CCSER1: variants seen among roughly 807,000 people sequenced by gnomAD.
CCSER1 encodes the protein serine-rich coiled-coil domain-containing protein 1.
A neutral mutation model predicts 82.0 loss-of-function variants in CCSER1; 41 were observed. The observed-to-expected ratio is 0.50, with a 90% CI of 0.39 to 0.65. CCSER1 has a LOEUF of 0.65. Among genes scored for constraint, CCSER1 ranks in the 30% least tolerant of loss-of-function variants. The pLI, the probability that CCSER1 is intolerant of heterozygous loss-of-function variation, is 0.00. For synonymous variants in CCSER1, 414 were observed against 383.9 expected (o/e 1.08, Z -0.92); for missense variants, 1,119 against 1,064.2 (o/e 1.05, Z -0.72).
At chr4:91,434,395 A>T (rs1000353862) in intron 10 of CCSER1, among the ~76,000 whole-genome samples, 1 of 152,206 alleles carries the variant, frequency 6.6e-6, no homozygotes, top group Non-Finnish European at 1.5e-5. Flanking sequence ...AAAGTTACAG[A>T]GAAGCCATAA....
In CCSER1 at chr4:91,496,714, A is replaced by AAT. The variant is rs1322745300; in HGVS notation, c.2218-101852_2218-101851dup. Among the ~76,000 whole-genome samples the AAT allele has an allele frequency of 2.3e-4, 8 of 35,334 alleles. 1 individual carries two copies. The highest frequency in any genetic ancestry group is 3.6e-4 in the African/African-American group (5 of 13,780). The allele number at this position is 35,334 out of a possible 152,430, so 23.2% of individuals were successfully genotyped here. On this transcript the variant is annotated intron_variant, in intron 10 of 10. Coordinates refer to ENST00000509176, the MANE Select transcript of CCSER1 (RefSeq NM_001145065.2). ...ATATATTCAATATATATATATATTC[A>AAT]ATATATAGAATATATATATATATTG...
chr4:90,289,518 T>C (rs1730535578), intron 1 of CCSER1, among the ~76,000 whole-genome samples: 1 of 151,906 alleles, frequency 6.6e-6, no homozygotes, highest in Non-Finnish European at 1.5e-5. Context: ...GAGACCACTA[T>C]CTTTCCTCAT....
At chr4:90,858,511 T>C (rs953607969) in intron 8 of CCSER1, among the ~76,000 whole-genome samples, 4 of 151,988 alleles carry the variant, frequency 2.6e-5, no homozygotes, top group Non-Finnish European at 5.9e-5. Context: ...TCAAATTCTT[T>C]ACGTTAAGGA....
chr4:90,134,766 CT>C (rs1723379261), intron 1 of CCSER1, among the ~76,000 whole-genome samples: 1 of 152,094 alleles, frequency 6.6e-6, no homozygotes, highest in African/African-American at 2.4e-5. Context: ...AATTTAGTTT[CT>C]TTTAACTTTT....
intron 10 of CCSER1, among the ~76,000 whole-genome samples, chr4:91,188,831 A>G (rs1267448119): frequency 6.6e-6 from 1 of 152,184 alleles, no homozygotes; most frequent in Non-Finnish European, 1.5e-5. Context: ...TGCCTGTCAG[A>G]AAAATCATAA....
At chr4:90,571,522 T>C (rs1424412264) in intron 5 of CCSER1, among the ~76,000 whole-genome samples, 3 of 152,174 alleles carry the variant, frequency 2.0e-5, no homozygotes. Context: ...CATATTCTTA[T>C]GTATAAGTGG....
rs138598565 is a variant in CCSER1 at position 90,253,824 on chromosome 4, CTCTT to C, written c.-41-54411_-41-54408del. Among the ~76,000 whole-genome samples, 1,259 of 152,160 alleles carry C rather than the reference CTCTT, an allele frequency of 8.3e-3. 19 individuals are homozygous for C. The highest frequency in any genetic ancestry group is 0.029 in the African/African-American group (1,210 of 41,514). On this transcript the variant is annotated intron_variant, in intron 1 of 10. Coordinates refer to ENST00000509176, the MANE Select transcript of CCSER1 (RefSeq NM_001145065.2). ...TTTTAGTTAGTCTCTTTTTGATTGTCTCTTTCTTTCTTCTCCCTATTAAATTTCT... is the reference window on the plus strand; with the variant it reads ...TTTTAGTTAGTCTCTTTTTGATTGTCTCTTTCTTCTCCCTATTAAATTTCT...
At chr4:90,432,587 C>CTT (rs1758441446) in intron 4 of CCSER1, among the ~76,000 whole-genome samples, 1 of 151,656 alleles carries the variant, frequency 6.6e-6, no homozygotes, top group Non-Finnish European at 1.5e-5. Context: ...TCCTCTCTCT[C>CTT]TCTCTTTCTT....
At chr4:90,218,639 A>G (rs1741552873) in intron 1 of CCSER1, among the ~76,000 whole-genome samples, 1 of 152,154 alleles carries the variant, frequency 6.6e-6, no homozygotes, top group Non-Finnish European at 1.5e-5. Context: ...TTTCCTTAGG[A>G]GTAGTTTACT....
intron 8 of CCSER1, among the ~76,000 whole-genome samples, chr4:90,819,213 C>A (rs1759424618): frequency 2.0e-5 from 3 of 152,098 alleles, no homozygotes; most frequent in Admixed American, 2.0e-4. Context: ...GATGTCTCTT[C>A]TTCTAAAGAC....
intron 1 of CCSER1, among the ~76,000 whole-genome samples, chr4:90,166,929 TA>T (rs1429262561): frequency 6.6e-6 from 1 of 152,050 alleles, no homozygotes; most frequent in Admixed American, 6.6e-5. Context: ...TAGTTTCTTT[TA>T]AAATATCATA....
At chr4:91,129,574 A>G (rs1727822348) in intron 10 of CCSER1, among the ~76,000 whole-genome samples, 1 of 152,030 alleles carries the variant, frequency 6.6e-6, no homozygotes, top group African/African-American at 2.4e-5. Context: ...GGAAACTTAA[A>G]CTAAGCCATG....
At chr4:90,524,609 C>T (rs1207815658) in intron 5 of CCSER1, among the ~76,000 whole-genome samples, 3 of 152,056 alleles carry the variant, frequency 2.0e-5, no homozygotes, top group African/African-American at 4.8e-5. Flanking sequence ...GCTGGGACTA[C>T]GGGCGCGTGC....
chr4:90,169,830 C>G (rs1005282191), intron 1 of CCSER1, among the ~76,000 whole-genome samples: 1 of 151,810 alleles, frequency 6.6e-6, no homozygotes, highest in African/African-American at 2.4e-5. Flanking sequence ...TACACATGTA[C>G]TTATCTAGTG....
chr4:90,228,824 G>T (rs1743811493), intron 1 of CCSER1, among the ~76,000 whole-genome samples: 2 of 152,208 alleles, frequency 1.3e-5, no homozygotes, highest in Non-Finnish European at 2.9e-5. Context: ...CGTGAAGAAT[G>T]CAGAAGCCTC....
intron 8 of CCSER1, among the ~76,000 whole-genome samples, chr4:90,870,582 G>C (rs960729712): frequency 2.9e-4 from 44 of 151,688 alleles, no homozygotes; most frequent in Admixed American, 2.9e-3. Context: ...GTTGTGTTCT[G>C]TTTGCCAGCA....
At chr4:91,180,223 G>T (rs558482856) in intron 10 of CCSER1, among the ~76,000 whole-genome samples, 63 of 152,312 alleles carry the variant, frequency 4.1e-4, no homozygotes, top group Middle Eastern at 6.8e-3. Context: ...AGCTGCTACT[G>T]GGAGTTGTCT....
intron 10 of CCSER1, among the ~76,000 whole-genome samples, chr4:91,490,873 CATATATATATATATAT>C (rs778476142): frequency 0.029 from 480 of 16,382 alleles, 13 homozygotes; most frequent in Middle Eastern, 0.056. Context: ...TCAGGCACTC[CATATATATATATATAT>C]ATATATATAT....
intron 6 of CCSER1, among the ~76,000 whole-genome samples, chr4:90,654,457 A>G (rs1405222024): frequency 2.0e-5 from 3 of 152,088 alleles, no homozygotes; most frequent in African/African-American, 7.2e-5. Flanking sequence ...TTTTTCTTAT[A>G]TATGCAACAT....
Sources: gnomAD v4.1 joint callset for allele counts (sites outside exome capture counted in the v4.1 genomes callset) on GRCh38, gnomAD v4.1.1 for gene constraint, MANE v1.5 for transcripts, NCBI Gene and HGNC (gene_info 2026-07-23, HGNC 2026-07-21) for gene names.